Variants in CFAP58 observed in about 807,000 individuals in gnomAD.
CFAP58 encodes cilia and flagella associated protein 58, also known as cilia- and flagella-associated protein 58.
In CFAP58, 88 loss-of-function variants were observed where a neutral mutation model predicts 119.5. The observed-to-expected ratio is 0.74, with a 90% CI of 0.62 to 0.88. The LOEUF is 0.88. Among genes scored for constraint, CFAP58 ranks in the 40% least tolerant of loss-of-function variants. The pLI, the probability that CFAP58 is intolerant of heterozygous loss-of-function variation, is 0.00. For synonymous variants in CFAP58, 365 were observed against 366.3 expected (o/e 1.00, Z 0.04); for missense variants, 990 against 1,021.2 (o/e 0.97, Z 0.42).
chr10:104,376,721 T>C (rs1035164915), intron 7 of CFAP58, 90 bp from the exon 8 acceptor site: 37 of 953,412 alleles, frequency 3.9e-5, no homozygotes, highest in Non-Finnish European at 6.0e-5. Flanking sequence ...GAGACAAACA[T>C]GTAAAGCAGT....
At chr10:104,409,110 A>T (rs1313760754) in intron 15 of CFAP58, among the ~76,000 whole-genome samples, 1 of 152,128 alleles carries the variant, frequency 6.6e-6, no homozygotes, top group Non-Finnish European at 1.5e-5. Context: ...ATAAAAAAAA[A>T]AATTATTTAG....
intron 6 of CFAP58, among the ~76,000 whole-genome samples, chr10:104,369,243 C>T (rs530405259): frequency 6.6e-5 from 10 of 152,298 alleles, no homozygotes; most frequent in African/African-American, 2.4e-4. Flanking sequence ...AAGAATAATA[C>T]ATAGATTTGG....
intron 15 of CFAP58, among the ~76,000 whole-genome samples, chr10:104,443,861 T>G (rs1159894679): frequency 6.6e-6 from 1 of 152,196 alleles, no homozygotes; most frequent in South Asian, 2.1e-4. Context: ...AAGCTAATAC[T>G]GTAATTAATT....
chr10:104,352,714 G>A (rs2014475912), upstream of CFAP58, among the ~76,000 whole-genome samples: 1 of 152,212 alleles, frequency 6.6e-6, no homozygotes, highest in South Asian at 2.1e-4. Flanking sequence ...ATTACTTGAT[G>A]TATTGGAGAA....
chr10:104,344,485 A>T, the CFAP58 span, among the ~76,000 whole-genome samples: 9 of 152,148 alleles, frequency 5.9e-5, no homozygotes, highest in African/African-American at 1.7e-4. Context: ...CTGGGGCTCT[A>T]ACAGCACAGT....
intron 11 of CFAP58, among the ~76,000 whole-genome samples, chr10:104,396,547 C>G (rs2012166067): frequency 6.6e-6 from 1 of 152,140 alleles, no homozygotes; most frequent in Admixed American, 6.5e-5. Context: ...CAGATGATTT[C>G]TATGAAACTC....
At chr10:104,365,541 G>A (rs17827720) in intron 4 of CFAP58, among the ~76,000 whole-genome samples, 30,272 of 152,030 alleles carry the variant, frequency 0.2, 3,485 homozygotes, top group Middle Eastern at 0.32. Flanking sequence ...AGAACTCTGA[G>A]CTTCCATATG....
chr10:104,357,293 G>A (rs1157877034), intron 1 of CFAP58, among the ~76,000 whole-genome samples: 1 of 152,144 alleles, frequency 6.6e-6, no homozygotes, highest in Non-Finnish European at 1.5e-5. Context: ...AAGCAAATGT[G>A]GAAAAGTCCC....
chr10:104,434,461 G>C (rs958468495), intron 15 of CFAP58, among the ~76,000 whole-genome samples: 1 of 152,220 alleles, frequency 6.6e-6, no homozygotes, highest in Non-Finnish European at 1.5e-5. Context: ...AGTTTATACA[G>C]GGTGTGAGGA....
chr10:104,381,424 T>C (rs2011801572), intron 9 of CFAP58, among the ~76,000 whole-genome samples: 1 of 151,948 alleles, frequency 6.6e-6, no homozygotes, highest in South Asian at 2.1e-4. Context: ...AGGAATGGGG[T>C]GGGAGGCTGG....
At chr10:104,390,622 T>C (rs1329043291) in intron 9 of CFAP58, among the ~76,000 whole-genome samples, 1 of 152,200 alleles carries the variant, frequency 6.6e-6, no homozygotes, top group Admixed American at 6.5e-5. Context: ...TTAGCTATTA[T>C]TATTAGGTTG....
intron 15 of CFAP58, among the ~76,000 whole-genome samples, chr10:104,423,620 C>A (rs187228167): frequency 7.9e-5 from 12 of 151,090 alleles, no homozygotes; most frequent in Admixed American, 2.0e-4. Context: ...TACTTAGAGT[C>A]CAAAGGAAAC....
intron 9 of CFAP58, among the ~76,000 whole-genome samples, chr10:104,383,650 A>G (rs17755134): frequency 0.16 from 24,006 of 152,130 alleles, 2,133 homozygotes; most frequent in Middle Eastern, 0.32. Flanking sequence ...TTAACCCCTG[A>G]CAGCATGTAT....
At chr10:104,396,127 G>A (rs1320178027) in intron 11 of CFAP58, among the ~76,000 whole-genome samples, 1 of 152,136 alleles carries the variant, frequency 6.6e-6, no homozygotes, top group African/African-American at 2.4e-5. Flanking sequence ...TGTTTCATCA[G>A]CACTGAAGGA....
chr10:104,349,008 AG>A (rs1270120182), upstream of CFAP58, among the ~76,000 whole-genome samples: 1 of 152,208 alleles, frequency 6.6e-6, no homozygotes, highest in Non-Finnish European at 1.5e-5. Flanking sequence ...GCATTTTGGG[AG>A]GCCACGGCAG....
At chr10:104,383,771 C>A (rs922786971) in intron 9 of CFAP58, among the ~76,000 whole-genome samples, 1 of 151,220 alleles carries the variant, frequency 6.6e-6, no homozygotes, top group Non-Finnish European at 1.5e-5. Context: ...CACACACACA[C>A]ACACACACAC....
chr10:104,379,878 A>C (rs980702917), intron 8 of CFAP58, 151 bp from the exon 9 acceptor site: 6 of 733,824 alleles, frequency 8.2e-6, no homozygotes, highest in African/African-American at 3.5e-5. Context: ...TTAGCATAAC[A>C]AACTCTTAAT....
intron 15 of CFAP58, among the ~76,000 whole-genome samples, chr10:104,446,243 T>C (rs556545804): frequency 6.6e-6 from 1 of 152,344 alleles, no homozygotes; most frequent in East Asian, 1.9e-4. Context: ...CACTTTGTAA[T>C]TTGATTTGTT....
intron 16 of CFAP58, 99 bp downstream of exon 16, chr10:104,447,916 T>G: frequency 3.6e-6 from 5 of 1,402,310 alleles, no homozygotes; most frequent in Non-Finnish European, 4.8e-6. Flanking sequence ...AGCCAGTCTC[T>G]CAATGCCACG....
Sources: gnomAD v4.1 joint callset for allele counts (sites outside exome capture counted in the v4.1 genomes callset) on GRCh38, gnomAD v4.1.1 for gene constraint, MANE v1.5 for transcripts, NCBI Gene and HGNC (gene_info 2026-07-23, HGNC 2026-07-21) for gene names.